DHX37: variants seen among roughly 807,000 people sequenced by gnomAD.
The protein encoded by DHX37 is DEAH-box helicase 37.
Under a neutral mutation model 134.3 loss-of-function variants are expected in DHX37, and 52 were observed. That is an observed-to-expected ratio of 0.39 (90% CI 0.31 to 0.49). DHX37 has a LOEUF of 0.49. Among genes scored for constraint, DHX37 ranks in the 20% least tolerant of loss-of-function variants. DHX37 has a pLI of 0.93. For synonymous variants in DHX37, 634 were observed against 670.7 expected, an observed-to-expected ratio of 0.95 and a Z score of 0.85; for missense variants, 1,344 against 1,580.8, an observed-to-expected ratio of 0.85 and a Z score of 2.54.
At chr12:124,948,917 C>T (rs898445167) in intron 25 of DHX37, among the ~76,000 whole-genome samples, 6 of 152,228 alleles carry the variant, frequency 3.9e-5, no homozygotes, top group African/African-American at 1.4e-4. Context: ...CCCATCCACC[C>T]TGGCTGCCTC....
intron 6 of DHX37, among the ~76,000 whole-genome samples, chr12:124,973,975 T>C (rs1246595366): frequency 1.6e-5 from 2 of 122,076 alleles, no homozygotes; most frequent in East Asian, 5.0e-4. Context: ...TGAGACGGAG[T>C]CTCGCTCTTT....
chr12:124,965,640 T>C (rs1954368764), intron 13 of DHX37, 28 bp downstream of exon 13: 5 of 1,578,016 alleles, frequency 3.2e-6, no homozygotes, highest in Non-Finnish European at 4.3e-6. Context: ...ATAATGAACA[T>C]GAGCAGGAAT....
chr12:124,962,171 G>C (rs1201734377), intron 15 of DHX37, among the ~76,000 whole-genome samples: 1 of 152,056 alleles, frequency 6.6e-6, no homozygotes, highest in East Asian at 1.9e-4. Flanking sequence ...TTGGGCCACT[G>C]AACTCCAGCC....
At position 124,957,057 on chromosome 12, in the gene DHX37, C is replaced by T; in HGVS notation, c.2236G>A (p.Ala746Thr). The change falls in exon 17 of 27, where the codon GCC (alanine) becomes ACC (threonine). Residue 746 changes from alanine to threonine, a missense_variant. Physicochemically the swap from Ala to Thr is moderately conservative, Grantham distance 58. Around this residue, in one of 7 missense-constraint regions of DHX37, gnomAD observed 558 missense variants for 650.0 expected, o/e 0.86. Transcript: ENST00000308736. ...TCTGCTTTCTGGGGCGGTTGCAGGGCACCCAGTGCGATCAACAGCTCCTCG... is the reference window on the plus strand; with the variant it reads ...TCTGCTTTCTGGGGCGGTTGCAGGGTACCCAGTGCGATCAACAGCTCCTCG... ...AAEELLIALG[A>T]LQPPQKAERV... 2.0e-6 allele frequency: 3 copies of T among 1,510,746 alleles called. No homozygotes were observed. Among genetic ancestry groups the T allele is most frequent in the Non-Finnish European group, 2.6e-6 (3 of 1,134,016 alleles). 93.6% of individuals were successfully genotyped at this position (1,510,746 alleles called of 1,614,324 possible). A position where few individuals can be genotyped will look rare whatever the true frequency, so the allele number is the denominator to read the frequency against.
At chr12:124,966,308 T>C (rs1043532749) in intron 12 of DHX37, among the ~76,000 whole-genome samples, 2 of 152,232 alleles carry the variant, frequency 1.3e-5, no homozygotes, top group African/African-American at 4.8e-5. Context: ...CCTCAGGTGA[T>C]CCACCTGCCT....
intron 1 of DHX37, among the ~76,000 whole-genome samples, chr12:124,988,470 C>T (rs1954916355): frequency 6.6e-6 from 1 of 152,114 alleles, no homozygotes; most frequent in Non-Finnish European, 1.5e-5. Flanking sequence ...CTAAAAATCT[C>T]CCTTTCTGCT....
intron 16 of DHX37, among the ~76,000 whole-genome samples, chr12:124,957,868 G>A (rs1256586831): frequency 6.6e-6 from 1 of 152,208 alleles, no homozygotes; most frequent in African/African-American, 2.4e-5. Context: ...ATGGAGGAGT[G>A]CATGAACAAA....
chr12:124,986,425 T>A, intron 1 of DHX37, 160 bp from the exon 2 acceptor site: 1 of 402,278 alleles, frequency 2.5e-6, no homozygotes, highest in Non-Finnish European at 3.4e-6. Context: ...TATGATGTTC[T>A]CAAGGCTTGG....
intron 2 of DHX37, among the ~76,000 whole-genome samples, chr12:124,984,933 G>A (rs2135972996): frequency 6.6e-6 from 1 of 152,266 alleles, no homozygotes; most frequent in African/African-American, 2.4e-5. Context: ...CTGAGTATCT[G>A]AGCGCGACCT....
At chr12:124,973,932 C>T (rs892989675) in intron 6 of DHX37, among the ~76,000 whole-genome samples, 5 of 147,410 alleles carry the variant, frequency 3.4e-5, no homozygotes, top group African/African-American at 5.1e-5. Flanking sequence ...CGTGAGCCGC[C>T]GTGCCCAGTC....
Position 124,989,029 on chromosome 12 carries a change from T to A in DHX37, c.-7A>T. On this transcript the variant is annotated 5_prime_UTR_variant, in exon 1 of 27. Transcript: ENST00000308736. ...GCCGGCGCAGCTTCCCCATGGCGAC[T>A]AGGCCAGGGTGGGCGCTCCAGCGGC... 7.4e-7 allele frequency: 1 copy of A among 1,357,590 alleles called. No homozygotes were observed. The highest frequency in any genetic ancestry group is 2.1e-5 in the South Asian group (1 of 47,628). 84.1% of individuals were successfully genotyped at this position (1,357,590 alleles called of 1,614,324 possible). A position where few individuals can be genotyped will look rare whatever the true frequency, so the allele number is the denominator to read the frequency against.
chr12:124,972,495 C>A lies in DHX37; in HGVS notation c.1077+8G>T, dbSNP rs760994520. The A allele has an allele frequency of 4.3e-6, 7 of 1,613,944 alleles. No homozygotes were observed. The East Asian group carries it at 1.6e-4, about 36-fold the overall frequency. ...GCCTTGCTCTGTGAGCCAGGATCCA[C>A]AACCAACCTTCTGGATTTCTTTAAG... On this transcript the variant is annotated splice_region_variant and intron_variant, in intron 7 of 26. Coordinates refer to ENST00000308736, the MANE Select transcript of DHX37 (RefSeq NM_032656.4).
chr12:124,949,606 T>C lies in DHX37; in HGVS notation c.3290+380A>G, dbSNP rs1953934024. Among the ~76,000 whole-genome samples, 1 of 152,054 alleles carries C rather than the reference T, an allele frequency of 6.6e-6. No individual in the cohort carries two copies. Among genetic ancestry groups the C allele is most frequent in the Admixed American group, 6.5e-5 (1 of 15,276 alleles). On this transcript the variant is annotated intron_variant, in intron 25 of 26. Coordinates refer to ENST00000308736, the MANE Select transcript of DHX37 (RefSeq NM_032656.4). The surrounding 1 kb of genome is among the most constrained non-coding windows in gnomAD (Gnocchi z 4.0). ...CAGAACATCAGCGTGTGACCTTATATGGAAAGAGGGTCACTGCAAATGTCA... is the reference window on the plus strand; with the variant it reads ...CAGAACATCAGCGTGTGACCTTATACGGAAAGAGGGTCACTGCAAATGTCA...
intron 2 of DHX37, among the ~76,000 whole-genome samples, chr12:124,985,392 T>C (rs1158288287): frequency 6.6e-6 from 1 of 152,006 alleles, no homozygotes; most frequent in Non-Finnish European, 1.5e-5. Flanking sequence ...ATGTTTGAAT[T>C]TCCCTTGCAA....
In DHX37 at chr12:124,980,725, T is replaced by C. The variant is rs1157407897; in HGVS notation, c.503A>G (p.Glu168Gly). Residue 168 changes from glutamate (E) to glycine (G), a missense_variant, in exon 4 of 27, where the codon GAG becomes GGG. Physicochemically the swap from Glu to Gly is moderately conservative, Grantham distance 98 (BLOSUM62 -2). Coordinates refer to ENST00000308736, the MANE Select transcript of DHX37 (RefSeq NM_032656.4). This position sits in a 1 kb window ranked among gnomAD's most constrained non-coding sequence, Gnocchi z 5.3. ...CTCCTCCTCCAGCTCCGATTCCGAC[T>C]CCTCCTCCTCCTCCTCCTCCTCCTC... ...SAEEEEEEEE[E>G]SESELEEESE... 7.9e-7 allele frequency: 1 copy of C among 1,260,356 alleles called. No individual in the cohort carries two copies. Among genetic ancestry groups the C allele is most frequent in the Admixed American group, 2.9e-5 (1 of 34,282 alleles). The allele number at this position is 1,260,356 out of a possible 1,614,324, so 78.1% of individuals were successfully genotyped here.
At position 124,976,857 on chromosome 12, in the gene DHX37, GA is replaced by G. The variant is rs1018338836; in HGVS notation, c.887+484del. 7.1e-3 allele frequency among the ~76,000 whole-genome samples: 984 copies of G among 138,878 alleles called. 16 individuals carry two copies. Among genetic ancestry groups the G allele is most frequent in the African/African-American group, 0.024 (926 of 37,890 alleles). The allele number at this position is 138,878 out of a possible 152,430, so 91.1% of individuals were successfully genotyped here. On this transcript the variant is annotated intron_variant, in intron 5 of 26. Transcript: ENST00000308736. The stretch of plus-strand genomic sequence containing the variant: ...AAATAATAATAATAAAAAGAAAAAA[GA>G]AAAAAAAAAGAAACCCTGTCTCTAC...
rs1954740414 is a variant in DHX37, at chr12:124,980,688, GTCCAGCTCCGACTCCTCC to G, written c.522_539del (p.Glu174_Leu179del). 10 of 1,580,164 alleles carry G rather than the reference GTCCAGCTCCGACTCCTCC, an allele frequency of 6.3e-6. No individual in the cohort carries two copies. The highest frequency in any genetic ancestry group is 1.1e-5 in the South Asian group (1 of 88,292). ...CAGCCGGCTCAGCAGCTGGGTCCTC[GTCCAGCTCCGACTCCTCC>G]TCCAGCTCCGATTCCGACTCCTCCT... On this transcript the variant is annotated inframe_deletion, in exon 4 of 27. Coordinates refer to ENST00000308736, the MANE Select transcript of DHX37 (RefSeq NM_032656.4). The surrounding 1 kb of genome is among the most constrained non-coding windows in gnomAD (Gnocchi z 5.3).
At position 124,957,106 on chromosome 12, in the gene DHX37, G is replaced by A; in HGVS notation, c.2187C>T (p.Pro729=). The change falls in exon 17 of 27, where the codon CCC becomes CCT. Residue 729 remains proline (P), a synonymous_variant. Coordinates refer to ENST00000308736, the MANE Select transcript of DHX37 (RefSeq NM_032656.4). The part of the protein sequence containing the change: ...KVINFPFPTP[P]SVEALLAAEE... ...CGGCGGCAAGAAGGGCTTCCACGGA[G>A]GGGGGCGTCGGGAAGGGGAAGTTGA... The A allele has an allele frequency of 6.7e-7, 1 of 1,496,320 alleles. No individual in the cohort carries two copies. The allele number at this position is 1,496,320 out of a possible 1,614,324, so 92.7% of individuals were successfully genotyped here. A position where few individuals can be genotyped will look rare whatever the true frequency, so the allele number is the denominator to read the frequency against.
Position 124,988,898 on chromosome 12 carries a change from C to G in DHX37, c.106+19G>C. On this transcript the variant is annotated intron_variant, in intron 1 of 26. Coordinates refer to ENST00000308736, the MANE Select transcript of DHX37 (RefSeq NM_032656.4). ...CTGGGAAATCTCCGAAATCCAGCCC[C>G]GGTCCGGGGATGTCTTACCCTCCAG... 7.7e-7 allele frequency: 1 copy of G among 1,305,944 alleles called. No individual in the cohort carries two copies. Among genetic ancestry groups the G allele is most frequent in the South Asian group, 2.8e-5 (1 of 35,570 alleles). The allele number at this position is 1,305,944 out of a possible 1,614,324, so 80.9% of individuals were successfully genotyped here.
Sources: gnomAD v4.1 joint callset for allele counts (sites outside exome capture counted in the v4.1 genomes callset) on GRCh38, gnomAD v4.1.1 for gene constraint, gnomAD v4.1.1 regional missense constraint, Gnocchi (gnomAD v3.1) non-coding constraint, MANE v1.5 for transcripts, NCBI Gene and HGNC (gene_info 2026-07-23, HGNC 2026-07-21) for gene names.